Variants in CSNK1D observed in about 807,000 individuals in gnomAD.
The protein encoded by CSNK1D is casein kinase I isoform delta.
CSNK1D carries 16 observed loss-of-function variants against 46.6 expected under a neutral mutation model. The ratio of observed to expected loss-of-function variants is 0.34; its 90% CI spans 0.23 to 0.52. The LOEUF (loss-of-function observed/expected upper bound fraction) is 0.52, where lower values mean the gene tolerates loss of function less well. Ranked by LOEUF, CSNK1D falls within the 20% of genes least tolerant of loss-of-function variation. CSNK1D has a pLI of 0.95. For missense variants in CSNK1D, 398 were observed against 578.4 expected, an observed-to-expected ratio of 0.69 and a Z score of 3.20; for synonymous variants, 276 against 228.2, an observed-to-expected ratio of 1.21 and a Z score of -1.89.
chr17:82,251,757 G>A lies in CSNK1D; in HGVS notation c.737-230C>T, dbSNP rs1310623986. 2.7e-5 allele frequency: 15 copies of A among 557,784 alleles called. No homozygotes were observed. In the Admixed American group the frequency reaches 3.6e-4, roughly 13 times the overall value. The allele number at this position is 557,784 out of a possible 1,614,324, so 34.6% of individuals were successfully genotyped here. ...TGTCACCCCAGCACTCTAGGAGGCT[G>A]AGGAGGGCGGATCACGAGGTCAGGA... On this transcript the variant is annotated intron_variant, in intron 5 of 8. Coordinates refer to ENST00000314028, the MANE Select transcript of CSNK1D (RefSeq NM_001893.6). This position sits in a 1 kb window ranked among gnomAD's most constrained non-coding sequence, Gnocchi z 4.5.
In CSNK1D at chr17:82,260,587, CTGACTGATGGTGTACTGAGTGACG is replaced by C. The variant is rs76091900; in HGVS notation, c.188-5034_188-5011del. Among the ~76,000 whole-genome samples the C allele has an allele frequency of 1.6e-3, 227 of 141,242 alleles. 2 individuals are homozygous for C. Among genetic ancestry groups the C allele is most frequent in the Non-Finnish European group, 2.3e-3 (150 of 65,696 alleles). 92.7% of individuals were successfully genotyped at this position (141,242 alleles called of 152,430 possible). A position where few individuals can be genotyped will look rare whatever the true frequency, so the allele number is the denominator to read the frequency against. ...ACTGAGTGATGGGACTGATGGTGTA[CTGACTGATGGTGTACTGAGTGACG>C]TGACTGATGGTGTACTGAGTGACGT... On this transcript the variant is annotated intron_variant, in intron 2 of 8. Transcript: ENST00000314028.
At position 82,244,606 on chromosome 17, in the gene CSNK1D, T is replaced by TG. The variant is rs986967678; in HGVS notation, c.*174dup. On this transcript the variant is annotated 3_prime_UTR_variant, in exon 9 of 9. Coordinates refer to ENST00000314028, the MANE Select transcript of CSNK1D (RefSeq NM_001893.6). Reference sequence around the variant, plus strand: ...GTGCAGCCCCAGCGGTGGCAGCTCTTGGAGTCTGTCCGTTTAGTATGTTTC... The same window carrying TG: ...GTGCAGCCCCAGCGGTGGCAGCTCTTGGGAGTCTGTCCGTTTAGTATGTTTC... The TG allele has an allele frequency of 3.0e-5, 45 of 1,525,016 alleles. 1 individual carries two copies. The African/African-American group carries it at 3.4e-4, about 12-fold the overall frequency. 94.5% of individuals were successfully genotyped at this position (1,525,016 alleles called of 1,614,324 possible). A position where few individuals can be genotyped will look rare whatever the true frequency, so the allele number is the denominator to read the frequency against.
intron 8 of CSNK1D, chr17:82,246,567 T>C: frequency 9.7e-7 from 1 of 1,034,668 alleles, no homozygotes; most frequent in Non-Finnish European, 1.2e-6. Flanking sequence ...CAAAGAGCCC[T>C]GGCCGAACAC....
intron 2 of CSNK1D, among the ~76,000 whole-genome samples, chr17:82,264,667 G>C (rs985770227): frequency 1.3e-5 from 2 of 152,308 alleles, no homozygotes; most frequent in Non-Finnish European, 2.9e-5. Context: ...CGAAGGAGCA[G>C]AGGCCTCACT....
chr17:82,254,491 A>G (rs1475134643), intron 3 of CSNK1D: 13 of 212,086 alleles, frequency 6.1e-5, no homozygotes, highest in East Asian at 2.4e-4. Context: ...GAGCCGCCGG[A>G]GCCTCGAGAA....
chr17:82,267,244 G>A (rs2051499537), intron 1 of CSNK1D, among the ~76,000 whole-genome samples: 1 of 151,480 alleles, frequency 6.6e-6, no homozygotes, highest in Non-Finnish European at 1.5e-5. Context: ...TGTCAATGGA[G>A]ATCAGTGGTG....
At chr17:82,242,352 C>T (rs2050752820), downstream of CSNK1D, among the ~76,000 whole-genome samples, 1 of 152,230 alleles carries the variant, frequency 6.6e-6, no homozygotes, top group African/African-American at 2.4e-5. Context: ...ATGCGCTCAC[C>T]CCAGGCGGCT....
rs745459371 is a variant in CSNK1D, at chr17:82,244,758, C to T, written c.*23G>A. ...GTAGATCAGCCATGCATTGTCTGCC[C>T]TTCACAGCAATAAGGAGAGTTCTCA... On this transcript the variant is annotated 3_prime_UTR_variant, in exon 9 of 9. Transcript: ENST00000314028. 4.3e-6 allele frequency: 7 copies of T among 1,613,936 alleles called. No individual in the cohort carries two copies. The South Asian group carries it at 4.4e-5, about 10-fold the overall frequency.
At chr17:82,257,141 T>G (rs2051193751) in intron 2 of CSNK1D, among the ~76,000 whole-genome samples, 2 of 152,072 alleles carry the variant, frequency 1.3e-5, no homozygotes, top group South Asian at 4.1e-4. Context: ...ACTGGCCACA[T>G]GTATCGCCTC....
rs199554561 is a variant in CSNK1D at position 82,252,550 on chromosome 17, T to G, written c.620A>C (p.Asn207Thr). The change falls in exon 5 of 9, where the codon AAC becomes ACC. Residue 207 changes from asparagine (N) to threonine (T), a missense_variant. This residue lies in a region of CSNK1D where 217 missense variants were observed against 370.3 expected (regional missense o/e 0.59). Transcript: ENST00000314028. The surrounding 1 kb of genome is among the most constrained non-coding windows in gnomAD (Gnocchi z 4.6). ...ESLGYVLMYF[N>T]LGSLPWQGLK... Reference sequence around the variant, plus strand: ...CCCCTGCCAGGGGAGAGAGCCCAGGTTGAAGTACATTAGCACGTAGCCCAG... The same window carrying G: ...CCCCTGCCAGGGGAGAGAGCCCAGGGTGAAGTACATTAGCACGTAGCCCAG... The G allele has an allele frequency of 1.9e-6, 3 of 1,613,990 alleles. No homozygotes were observed. Among genetic ancestry groups the G allele is most frequent in the Non-Finnish European group, 2.5e-6 (3 of 1,179,998 alleles).
chr17:82,246,622 C>G, intron 8 of CSNK1D: 2 of 1,007,420 alleles, frequency 2.0e-6, no homozygotes, highest in South Asian at 4.0e-5. Flanking sequence ...CAGACCCAGG[C>G]GGAGTCCGGG....
intron 2 of CSNK1D, chr17:82,260,779 G>A (rs959020851): frequency 6.5e-6 from 1 of 154,900 alleles, no homozygotes; most frequent in African/African-American, 2.5e-5. Flanking sequence ...TGTGACTGAT[G>A]GTGTACTGAG....
intron 2 of CSNK1D, among the ~76,000 whole-genome samples, chr17:82,262,009 T>A (rs2051353366): frequency 6.6e-6 from 1 of 152,214 alleles, no homozygotes; most frequent in East Asian, 1.9e-4. Flanking sequence ...AGGCTGCTTT[T>A]GGGGGATGTT....
In CSNK1D at chr17:82,253,249, G is replaced by T. The variant is rs753121531; in HGVS notation, c.337-5C>A. The stretch of plus-strand genomic sequence containing the variant: ...AATGTATTCGATGCGACTGATCTGT[G>T]AGCAGAGCAAGGGCGCGAGATGGCA... On this transcript the variant is annotated splice_region_variant and splice_polypyrimidine_tract_variant and intron_variant, in intron 3 of 8. Coordinates refer to ENST00000314028, the MANE Select transcript of CSNK1D (RefSeq NM_001893.6). 5.0e-6 allele frequency: 8 copies of T among 1,613,212 alleles called. No individual in the cohort carries two copies. Among genetic ancestry groups the T allele is most frequent in the Non-Finnish European group, 6.8e-6 (8 of 1,179,300 alleles).
rs2050901804 is a variant in CSNK1D at position 82,248,285 on chromosome 17, G to A, written c.1197+590C>T. On this transcript the variant is annotated intron_variant, in intron 8 of 8. Coordinates refer to ENST00000314028, the MANE Select transcript of CSNK1D (RefSeq NM_001893.6). The surrounding 1 kb of genome is among the most constrained non-coding windows in gnomAD (Gnocchi z 4.1). ...GACAACAAAAGCCAGAGCGAGGAGA[G>A]GAGAGACCGCTGCAGGATGCTGAAG... The A allele has an allele frequency of 3.0e-6, 3 of 987,136 alleles. No individual in the cohort carries two copies. Among genetic ancestry groups the A allele is most frequent in the Non-Finnish European group, 3.6e-6 (3 of 831,074 alleles). 61.1% of individuals were successfully genotyped at this position (987,136 alleles called of 1,614,324 possible). A position where few individuals can be genotyped will look rare whatever the true frequency, so the allele number is the denominator to read the frequency against.
At position 82,246,501 on chromosome 17, in the gene CSNK1D, A is replaced by G. The variant is rs1451501885; in HGVS notation, c.1198-1670T>C. 2.8e-6 allele frequency: 3 copies of G among 1,083,944 alleles called. No individual in the cohort carries two copies. The African/African-American group carries it at 4.9e-5, about 18-fold the overall frequency. The allele number at this position is 1,083,944 out of a possible 1,614,324, so 67.1% of individuals were successfully genotyped here. A position where few individuals can be genotyped will look rare whatever the true frequency, so the allele number is the denominator to read the frequency against. On this transcript the variant is annotated intron_variant, in intron 8 of 8. Transcript: ENST00000314028. ...GACAAGGCCTTCTTCTCACCAAGTA[A>G]AAACCCCAAACAGACTCAGCAACTA...
chr17:82,244,637 C>G lies in CSNK1D; in HGVS notation c.*144G>C. The G allele has an allele frequency of 5.2e-6, 8 of 1,542,442 alleles. No individual in the cohort carries two copies. The highest frequency in any genetic ancestry group is 7.0e-6 in the Non-Finnish European group (8 of 1,149,360). On this transcript the variant is annotated 3_prime_UTR_variant, in exon 9 of 9. Coordinates refer to ENST00000314028, the MANE Select transcript of CSNK1D (RefSeq NM_001893.6). Reference sequence around the variant, plus strand: ...CTGTCCGTTTAGTATGTTTCCCCCACGAGCGTCGCTGGGTGAGTGGCCTGG... The same window carrying G: ...CTGTCCGTTTAGTATGTTTCCCCCAGGAGCGTCGCTGGGTGAGTGGCCTGG...
At chr17:82,271,702 A>G (rs1426109229) in intron 1 of CSNK1D, among the ~76,000 whole-genome samples, 2 of 152,236 alleles carry the variant, frequency 1.3e-5, no homozygotes, top group Non-Finnish European at 2.9e-5. Flanking sequence ...TGAGCCACCC[A>G]TATGTGTGGA....
chr17:82,249,305 G>A lies in CSNK1D; in HGVS notation c.1057+126C>T. 8.5e-6 allele frequency: 9 copies of A among 1,063,088 alleles called. No homozygotes were observed. Among genetic ancestry groups the A allele is most frequent in the African/African-American group, 1.6e-5 (1 of 63,698 alleles). The allele number at this position is 1,063,088 out of a possible 1,614,324, so 65.9% of individuals were successfully genotyped here. On this transcript the variant is annotated intron_variant, in intron 7 of 8. Transcript: ENST00000314028. The surrounding 1 kb of genome is among the most constrained non-coding windows in gnomAD (Gnocchi z 6.7). ...GGCAGCCTGGCTCATCCACCCTCAG[G>A]AGCGAGCATCGCCTGACACAGGGCA...
Sources: gnomAD v4.1 joint callset for allele counts (sites outside exome capture counted in the v4.1 genomes callset) on GRCh38, gnomAD v4.1.1 for gene constraint, gnomAD v4.1.1 regional missense constraint, Gnocchi (gnomAD v3.1) non-coding constraint, MANE v1.5 for transcripts, NCBI Gene and HGNC (gene_info 2026-07-23, HGNC 2026-07-21) for gene names.